The following LRRC4C variants were observed in gnomAD, a reference collection of about 807,000 sequenced individuals.
LRRC4C encodes the protein leucine-rich repeat-containing protein 4C.
Under a neutral mutation model 33.6 loss-of-function variants are expected in LRRC4C, and 5 were observed. That is an observed-to-expected ratio of 0.15 (90% CI 0.08 to 0.31). The LOEUF (loss-of-function observed/expected upper bound fraction) is 0.31, where lower values mean the gene tolerates loss of function less well. Ranked by LOEUF, LRRC4C falls within the 10% of genes least tolerant of loss-of-function variation. LRRC4C has a pLI of 1.00. For synonymous variants in LRRC4C, 329 were observed against 302.0 expected (o/e 1.09, Z -0.93); for missense variants, 560 against 796.7 (o/e 0.70, Z 3.58).
intron 2 of LRRC4C, among the ~76,000 whole-genome samples, chr11:40,665,334 A>G (rs1410198129): frequency 8.1e-5 from 1 of 12,272 alleles, no homozygotes; most frequent in Non-Finnish European, 2.0e-4. Context: ...AAATATATAT[A>G]TATATATATA....
At chr11:41,009,052 T>C (rs1854973753) in intron 1 of LRRC4C, among the ~76,000 whole-genome samples, 1 of 151,954 alleles carries the variant, frequency 6.6e-6, no homozygotes. Flanking sequence ...TTAAAGACAT[T>C]GAAAGAAAGA....
chr11:40,225,914 C>T (rs755205579), intron 5 of LRRC4C, among the ~76,000 whole-genome samples: 1 of 152,186 alleles, frequency 6.6e-6, no homozygotes, highest in Non-Finnish European at 1.5e-5. Context: ...CCACCACGCC[C>T]AGCCTATATT....
chr11:41,285,598 G>A (rs1372207071), intron 1 of LRRC4C, among the ~76,000 whole-genome samples: 2 of 152,088 alleles, frequency 1.3e-5, no homozygotes, highest in Admixed American at 6.5e-5. Context: ...GATGTGGGGA[G>A]GAAGCCAGAG....
At chr11:40,944,959 TCTC>T (rs1958323809) in intron 1 of LRRC4C, among the ~76,000 whole-genome samples, 2 of 152,060 alleles carry the variant, frequency 1.3e-5, no homozygotes, top group Admixed American at 6.6e-5. Flanking sequence ...GTCCTGCGTT[TCTC>T]CTCATTTTTC....
intron 1 of LRRC4C, among the ~76,000 whole-genome samples, chr11:41,107,520 A>T (rs1196202107): frequency 3.9e-5 from 6 of 152,186 alleles, no homozygotes; most frequent in Admixed American, 3.9e-4. Flanking sequence ...GAATAAAAAT[A>T]AAAATGAAGC....
intron 3 of LRRC4C, among the ~76,000 whole-genome samples, chr11:40,503,605 T>C (rs1415987454): frequency 6.6e-6 from 1 of 152,212 alleles, no homozygotes; most frequent in Non-Finnish European, 1.5e-5. Flanking sequence ...TAACTCGCTA[T>C]CACAATTCTT....
chr11:40,533,535 T>C (rs1413426459), intron 3 of LRRC4C, among the ~76,000 whole-genome samples: 2 of 152,106 alleles, frequency 1.3e-5, no homozygotes, highest in African/African-American at 4.8e-5. Context: ...CGGAGCATTG[T>C]AGGTTTCTTT....
chr11:40,656,487 T>A (rs962860824), intron 2 of LRRC4C, among the ~76,000 whole-genome samples: 2 of 149,420 alleles, frequency 1.3e-5, no homozygotes, highest in Non-Finnish European at 1.5e-5. Context: ...TTTTTTTTTT[T>A]GAAAAAGGCA....
chr11:41,181,079 G>A (rs1945429488), intron 1 of LRRC4C, among the ~76,000 whole-genome samples: 2 of 152,166 alleles, frequency 1.3e-5, no homozygotes, highest in African/African-American at 4.8e-5. Context: ...AATAGCCACA[G>A]AATGAACTGT....
At chr11:40,646,645 C>T (rs1942478352) in intron 3 of LRRC4C, among the ~76,000 whole-genome samples, 2 of 152,168 alleles carry the variant, frequency 1.3e-5, no homozygotes, top group African/African-American at 4.8e-5. Flanking sequence ...CTTGCTCTGC[C>T]GCCCAGGCCG....
intron 4 of LRRC4C, among the ~76,000 whole-genome samples, chr11:40,262,947 T>C (rs1941972134): frequency 6.6e-6 from 1 of 151,868 alleles, no homozygotes; most frequent in South Asian, 2.1e-4. Flanking sequence ...AACCTGCACA[T>C]TCTGCCCATG....
chr11:40,248,716 A>G (rs1759678390), intron 4 of LRRC4C, among the ~76,000 whole-genome samples: 1 of 152,126 alleles, frequency 6.6e-6, no homozygotes, highest in South Asian at 2.1e-4. Context: ...ATGAAAAAAG[A>G]GTAGCACCTC....
intron 3 of LRRC4C, among the ~76,000 whole-genome samples, chr11:40,404,207 A>G (rs1208555614): frequency 6.6e-6 from 1 of 152,032 alleles, no homozygotes; most frequent in Non-Finnish European, 1.5e-5. Flanking sequence ...TTGTCATACC[A>G]TGTTTACAGC....
intron 1 of LRRC4C, among the ~76,000 whole-genome samples, chr11:41,381,777 G>A (rs1394938662): frequency 6.6e-6 from 1 of 151,548 alleles, no homozygotes; most frequent in East Asian, 1.9e-4. Flanking sequence ...ACATATATAT[G>A]AAATGAATAT....
intron 1 of LRRC4C, among the ~76,000 whole-genome samples, chr11:41,224,266 A>G (rs1004019428): frequency 1.3e-5 from 2 of 152,230 alleles, no homozygotes; most frequent in Non-Finnish European, 2.9e-5. Flanking sequence ...GATAGAAACC[A>G]ATCCCTGCAC....
intron 3 of LRRC4C, among the ~76,000 whole-genome samples, chr11:40,579,890 C>T (rs545652678): frequency 6.6e-6 from 1 of 152,278 alleles, no homozygotes; most frequent in African/African-American, 2.4e-5. Flanking sequence ...TCCTGGAGAA[C>T]CCTCACTTCT....
intron 4 of LRRC4C, among the ~76,000 whole-genome samples, chr11:40,291,729 T>C (rs1944206006): frequency 6.6e-6 from 1 of 152,170 alleles, no homozygotes; most frequent in African/African-American, 2.4e-5. Flanking sequence ...ATCGCCTTGG[T>C]TTATTGTCAT....
intron 5 of LRRC4C, among the ~76,000 whole-genome samples, chr11:40,178,168 G>A (rs1329047946): frequency 6.6e-6 from 1 of 152,152 alleles, no homozygotes; most frequent in African/African-American, 2.4e-5. Flanking sequence ...TGTACTACCC[G>A]ATGGCAAGAA....
chr11:40,158,405 C>G (rs143892441), intron 5 of LRRC4C, among the ~76,000 whole-genome samples: 1 of 152,006 alleles, frequency 6.6e-6, no homozygotes, highest in African/African-American at 2.4e-5. Flanking sequence ...ACCCCAATAA[C>G]TTAAGGAAAA....
Sources: allele counts gnomAD v4.1 joint callset (sites outside exome capture counted in the v4.1 genomes callset), GRCh38; gene constraint gnomAD v4.1.1; transcripts MANE v1.5; gene names NCBI Gene and HGNC (gene_info 2026-07-23, HGNC 2026-07-21).